WWC2: variants seen among roughly 807,000 people sequenced by gnomAD.
WWC2 encodes the protein protein WWC2.
In WWC2, 101 loss-of-function variants were observed where a neutral mutation model predicts 138.5. The ratio of observed to expected loss-of-function variants is 0.73; its 90% CI spans 0.62 to 0.86. The LOEUF (loss-of-function observed/expected upper bound fraction) is 0.86. WWC2 is among the 40% of genes least tolerant of loss of function. WWC2 has a pLI of 0.00. For missense variants in WWC2, 1,420 were observed against 1,419.4 expected, an observed-to-expected ratio of 1.00 and a Z score of -0.01; for synonymous variants, 558 against 538.4, an observed-to-expected ratio of 1.04 and a Z score of -0.50.
intron 1 of WWC2, among the ~76,000 whole-genome samples, chr4:183,126,012 G>T (rs1732745671): frequency 6.6e-6 from 1 of 152,218 alleles, no homozygotes; most frequent in Non-Finnish European, 1.5e-5. Context: ...GCATGTAGAT[G>T]CAAGGTCAGC....
chr4:183,265,902 G>C lies in WWC2; in HGVS notation c.2158G>C (p.Ala720Pro), dbSNP rs779063699. The C allele has an allele frequency of 1.1e-5, 18 of 1,613,270 alleles. No homozygotes were observed. The Admixed American group carries it at 3.0e-4, about 27-fold the overall frequency. The change falls in exon 14 of 23, where the codon GCA becomes CCA. Residue 720 changes from alanine to proline, a missense_variant. Transcript: ENST00000403733. ...AAGTTCAAGTTTCATGGTGATTATA[G>C]CACAGCTCCGAAACCTTCATGCCTT... Reference protein sequence around the residue: ...AKSSSFMVIIAQLRNLHAFLI... With the variant: ...AKSSSFMVIIPQLRNLHAFLI...
intron 1 of WWC2, among the ~76,000 whole-genome samples, chr4:183,108,344 A>G (rs1579943447): frequency 1.3e-5 from 2 of 152,110 alleles, no homozygotes; most frequent in Non-Finnish European, 2.9e-5. Flanking sequence ...TTTCTCCCCC[A>G]AAACCGTAGT....
intron 1 of WWC2, among the ~76,000 whole-genome samples, chr4:183,159,362 C>A (rs1421011784): frequency 6.6e-6 from 1 of 152,086 alleles, no homozygotes; most frequent in Non-Finnish European, 1.5e-5. Context: ...TGCACAGCTG[C>A]CATTACTGCT....
At chr4:183,268,262 C>G (rs1877289) in intron 14 of WWC2, among the ~76,000 whole-genome samples, 125,560 of 152,142 alleles carry the variant, frequency 0.83, 54,907 homozygotes, top group East Asian at 1. Context: ...ACCTCACGCT[C>G]TTTCTAAGAA....
chr4:183,159,727 T>A (rs1330545259), intron 1 of WWC2, among the ~76,000 whole-genome samples: 3 of 133,748 alleles, frequency 2.2e-5, no homozygotes, highest in African/African-American at 8.7e-5. Flanking sequence ...TTTTTTTTTT[T>A]TTAAAAAAAA....
At chr4:183,133,201 C>T (rs1250724470) in intron 1 of WWC2, among the ~76,000 whole-genome samples, 1 of 130,204 alleles carries the variant, frequency 7.7e-6, no homozygotes, top group Non-Finnish European at 1.6e-5. Flanking sequence ...CAGGCTGGAG[C>T]TAGAGCACAG....
chr4:183,291,241 A>G (rs867240583), intron 21 of WWC2, among the ~76,000 whole-genome samples: 4 of 152,166 alleles, frequency 2.6e-5, no homozygotes, highest in African/African-American at 7.2e-5. Flanking sequence ...ACTGGCTTTT[A>G]AAGTGGGTAG....
At chr4:183,172,556 G>GTTTTTTTTTTTTTTTTTTTTT (rs61599876) in intron 1 of WWC2, among the ~76,000 whole-genome samples, 5 of 113,046 alleles carry the variant, frequency 4.4e-5, no homozygotes, top group African/African-American at 9.9e-5. Flanking sequence ...TATGTTTCTT[G>GTTTTTTTTTTTTTTTTTTTTT]TTTTTTTTTT....
chr4:183,131,649 C>T (rs1309557728), intron 1 of WWC2, among the ~76,000 whole-genome samples: 1 of 152,068 alleles, frequency 6.6e-6, no homozygotes, highest in Non-Finnish European at 1.5e-5. Flanking sequence ...TTTTAACTGT[C>T]TTTGTGGAGT....
chr4:183,122,706 A>G (rs1240867370), intron 1 of WWC2, among the ~76,000 whole-genome samples: 13 of 152,066 alleles, frequency 8.5e-5, no homozygotes, highest in African/African-American at 2.9e-4. Flanking sequence ...TTTAGTAGCA[A>G]TGGGGTTTTG....
At chr4:183,190,263 G>T (rs1734955010) in intron 1 of WWC2, among the ~76,000 whole-genome samples, 1 of 152,180 alleles carries the variant, frequency 6.6e-6, no homozygotes, top group South Asian at 2.1e-4. Context: ...GCTTGAATGT[G>T]TAAGAAATTC....
chr4:183,118,691 C>T (rs76868946), intron 1 of WWC2, among the ~76,000 whole-genome samples: 1,641 of 152,242 alleles, frequency 0.011, 15 homozygotes, highest in Non-Finnish European at 0.017. Flanking sequence ...CCATAATTAT[C>T]GTGGTGAAGG....
chr4:183,173,546 C>A (rs1013046888), intron 1 of WWC2, among the ~76,000 whole-genome samples: 14 of 151,982 alleles, frequency 9.2e-5, no homozygotes, highest in African/African-American at 3.4e-4. Context: ...TCTGGCTCTT[C>A]ACTCCTTCCA....
rs1739453950 is a variant in WWC2 at position 183,316,769 on chromosome 4, T to G, written c.*1040T>G. On this transcript the variant is annotated 3_prime_UTR_variant, in exon 23 of 23. Transcript: ENST00000403733. ...ATTTCTAACATTTAGTAGAAACTAC[T>G]TCATAGCTCTCATTTTTAGGGGGTT... 6.6e-6 allele frequency: 1 copy of G among 152,240 alleles called. No individual in the cohort carries two copies. Among genetic ancestry groups the G allele is most frequent in the Non-Finnish European group, 1.5e-5 (1 of 68,042 alleles). The allele number at this position is 152,240 out of a possible 1,614,324, so 9.4% of individuals were successfully genotyped here.
intron 2 of WWC2, among the ~76,000 whole-genome samples, chr4:183,201,817 C>T (rs1477377394): frequency 6.6e-6 from 1 of 152,180 alleles, no homozygotes; most frequent in Non-Finnish European, 1.5e-5. Context: ...CTATCAGGAA[C>T]AGGTTCTTAC....
chr4:183,305,887 ATAAT>A lies in WWC2; in HGVS notation c.3385-6452_3385-6449del, dbSNP rs1181251127. Among the ~76,000 whole-genome samples, 6 of 152,210 alleles carry A rather than the reference ATAAT, an allele frequency of 3.9e-5. No homozygotes were observed. In the South Asian group the frequency reaches 8.3e-4, roughly 21 times the overall value. On this transcript the variant is annotated intron_variant, in intron 21 of 22. Transcript: ENST00000403733. ...ATTTTTCTTATTCTTAATCACATAAATAATTCTAAGTAATGATAGCAACAGTGTA... is the reference window on the plus strand; with the variant it reads ...ATTTTTCTTATTCTTAATCACATAAATCTAAGTAATGATAGCAACAGTGTA...
Position 183,319,583 on chromosome 4 carries a change from C to T in WWC2, c.*3854C>T, listed in dbSNP as rs933289149. On this transcript the variant is annotated 3_prime_UTR_variant, in exon 23 of 23. Coordinates refer to ENST00000403733, the MANE Select transcript of WWC2 (RefSeq NM_024949.6). ...AGTGTTTCAGGTTGGTGTTTCTCGT[C>T]TCCAGTTCTTGATGATGATCTTGTG... is the stretch of plus-strand genomic sequence containing the variant. 6.2e-7 allele frequency: 1 copy of T among 1,613,250 alleles called. No homozygotes were observed. Among genetic ancestry groups the T allele is most frequent in the East Asian group, 2.2e-5 (1 of 44,884 alleles).
intron 8 of WWC2, among the ~76,000 whole-genome samples, chr4:183,250,537 T>C (rs1736945579): frequency 6.6e-6 from 1 of 152,202 alleles, no homozygotes; most frequent in East Asian, 1.9e-4. Context: ...TCTTAATCCC[T>C]GTGCTATCTT....
intron 5 of WWC2, among the ~76,000 whole-genome samples, chr4:183,242,364 A>G (rs1169443983): frequency 6.6e-6 from 1 of 152,224 alleles, no homozygotes; most frequent in Admixed American, 6.5e-5. Context: ...AGAATGGAAT[A>G]TATTTGTTGA....
Sources: gnomAD v4.1 joint callset for allele counts (sites outside exome capture counted in the v4.1 genomes callset) on GRCh38, gnomAD v4.1.1 for gene constraint, MANE v1.5 for transcripts, NCBI Gene and HGNC (gene_info 2026-07-23, HGNC 2026-07-21) for gene names.